Variants in SCN3B observed in about 807,000 individuals in gnomAD.
The protein encoded by SCN3B is sodium voltage-gated channel beta subunit 3, also known as sodium channel regulatory subunit beta-3.
SCN3B carries 11 observed loss-of-function variants against 25.4 expected under a neutral mutation model. That is an observed-to-expected ratio of 0.43 (90% CI 0.27 to 0.72). SCN3B has a LOEUF of 0.72. Ranked by LOEUF, SCN3B falls within the 30% of genes least tolerant of loss-of-function variation. The pLI is 0.18. For synonymous variants in SCN3B, 109 were observed against 110.7 expected (o/e 0.99, Z 0.09); for missense variants, 218 against 278.3 (o/e 0.78, Z 1.54).
intron 3 of SCN3B, among the ~76,000 whole-genome samples, chr11:123,643,370 C>T (rs1196411278): frequency 1.3e-5 from 2 of 152,370 alleles, no homozygotes; most frequent in East Asian, 3.9e-4. Flanking sequence ...CACTTCCACC[C>T]TCTGACATAA....
intron 5 of SCN3B, among the ~76,000 whole-genome samples, chr11:123,635,530 C>A (rs1175077978): frequency 6.6e-6 from 1 of 151,838 alleles, no homozygotes; most frequent in Non-Finnish European, 1.5e-5. Flanking sequence ...TAAAAAAATA[C>A]AAAAAATTAG....
chr11:123,643,852 T>C (rs941437481), intron 3 of SCN3B, among the ~76,000 whole-genome samples: 4 of 152,224 alleles, frequency 2.6e-5, no homozygotes, highest in African/African-American at 9.6e-5. Context: ...TGCAGCTTCA[T>C]TGACGTGTCA....
chr11:123,638,155 T>C, intron 5 of SCN3B, 31 bp downstream of exon 5: 1 of 1,613,564 alleles, frequency 6.2e-7, no homozygotes. Flanking sequence ...GGTGCTAGCT[T>C]TCATTATTAC....
At position 123,633,041 on chromosome 11, in the gene SCN3B, C is replaced by T. The variant is rs924780752; in HGVS notation, c.*758G>A. On this transcript the variant is annotated 3_prime_UTR_variant, in exon 7 of 7. Coordinates refer to ENST00000299333, the MANE Select transcript of SCN3B (RefSeq NM_001040151.2). ...TGTGCCCACAGGGAGGGCACACATACATTATCGCAATAGGATCAGGAACGT... is the reference window on the plus strand; with the variant it reads ...TGTGCCCACAGGGAGGGCACACATATATTATCGCAATAGGATCAGGAACGT... 3.3e-5 allele frequency: 5 copies of T among 152,212 alleles called. No homozygotes were observed. The highest frequency in any genetic ancestry group is 1.2e-4 in the African/African-American group (5 of 41,464). 9.4% of individuals were successfully genotyped at this position (152,212 alleles called of 1,614,324 possible). A position where few individuals can be genotyped will look rare whatever the true frequency, so the allele number is the denominator to read the frequency against.
At chr11:123,648,131 C>T (rs938494534) in intron 2 of SCN3B, among the ~76,000 whole-genome samples, 6 of 152,178 alleles carry the variant, frequency 3.9e-5, no homozygotes, top group African/African-American at 1.4e-4. Flanking sequence ...AACCTCAAGG[C>T]ACATTCATAT....
intron 5 of SCN3B, among the ~76,000 whole-genome samples, chr11:123,637,592 G>A (rs1010979170): frequency 1.4e-4 from 21 of 152,092 alleles, no homozygotes; most frequent in Non-Finnish European, 1.3e-4. Flanking sequence ...GCAGTGGCAC[G>A]ATCTCAGCTC....
chr11:123,644,389 A>C (rs931503442), intron 3 of SCN3B, among the ~76,000 whole-genome samples: 1 of 152,220 alleles, frequency 6.6e-6, no homozygotes, highest in Non-Finnish European at 1.5e-5. Context: ...GGTGATAATA[A>C]GTGTGAAGTC....
At position 123,654,382 on chromosome 11, in the gene SCN3B, G is replaced by T. The variant is rs1057435076; in HGVS notation, c.-182C>A. 1 of 158,246 alleles carries T rather than the reference G, an allele frequency of 6.3e-6. No homozygotes were observed. The highest frequency in any genetic ancestry group is 5.9e-5 in the Admixed American group (1 of 16,890). The allele number at this position is 158,246 out of a possible 1,614,324, so 9.8% of individuals were successfully genotyped here. On this transcript the variant is annotated 5_prime_UTR_variant, in exon 1 of 7. Transcript: ENST00000299333. The stretch of plus-strand genomic sequence containing the variant: ...GGGCTACAGAATGCGTTCCACGTCG[G>T]TCCCGTCCACGCCCGCCCTCGGCTC...
intron 5 of SCN3B, among the ~76,000 whole-genome samples, chr11:123,637,694 A>G (rs557916646): frequency 1.3e-5 from 2 of 151,884 alleles, no homozygotes; most frequent in South Asian, 4.2e-4. Context: ...ATGCCCAGCT[A>G]ATTTTTTATA....
rs759214907 is a variant in SCN3B, at chr11:123,653,832, C to G, written c.-25-6G>C. On this transcript the variant is annotated splice_region_variant and splice_polypyrimidine_tract_variant and intron_variant, in intron 1 of 6. Coordinates refer to ENST00000299333, the MANE Select transcript of SCN3B (RefSeq NM_001040151.2). ...GGGGCTGGCGGCTTCCAAGGCTACA[C>G]AGAGAGATTCCCTCGGTCAAGGACT... 2.9e-5 allele frequency: 47 copies of G among 1,612,710 alleles called. No homozygotes were observed. The East Asian group carries it at 1.0e-3, about 36-fold the overall frequency.
intron 2 of SCN3B, among the ~76,000 whole-genome samples, chr11:123,652,942 C>T (rs561295423): frequency 6.6e-6 from 1 of 152,334 alleles, no homozygotes; most frequent in South Asian, 2.1e-4. Flanking sequence ...CCTTTACACA[C>T]ATTCAGGCAC....
rs937554928 is a variant in SCN3B at position 123,633,392 on chromosome 11, C to A, written c.*407G>T. On this transcript the variant is annotated 3_prime_UTR_variant, in exon 7 of 7. Coordinates refer to ENST00000299333, the MANE Select transcript of SCN3B (RefSeq NM_001040151.2). ...GCTTCCTTCTATTAAGACTTCCATT[C>A]TCTTGCAGTAATGGAGAATGAACCA... is the stretch of plus-strand genomic sequence containing the variant. The A allele has an allele frequency of 7.2e-5, 11 of 152,824 alleles. No individual in the cohort carries two copies. The highest frequency in any genetic ancestry group is 2.7e-4 in the African/African-American group (11 of 41,450). 9.5% of individuals were successfully genotyped at this position (152,824 alleles called of 1,614,324 possible). A position where few individuals can be genotyped will look rare whatever the true frequency, so the allele number is the denominator to read the frequency against.
intron 3 of SCN3B, among the ~76,000 whole-genome samples, chr11:123,644,802 T>G (rs529168737): frequency 0.013 from 304 of 24,072 alleles, 1 homozygote; most frequent in African/African-American, 0.05. Flanking sequence ...AGAGAGAGAA[T>G]ATATATATAT....
chr11:123,634,848 T>C (rs527882618), intron 5 of SCN3B, among the ~76,000 whole-genome samples: 1 of 152,260 alleles, frequency 6.6e-6, no homozygotes, highest in Non-Finnish European at 1.5e-5. Context: ...GCTTTCCAGT[T>C]CTTCTGAGAT....
chr11:123,640,205 C>G, intron 4 of SCN3B: 1 of 152,232 alleles, frequency 6.6e-6, no homozygotes. Context: ...GCTACCACCT[C>G]GTGCATTATT....
Position 123,638,213 on chromosome 11 carries a change from T to C in SCN3B, c.557A>G (p.Lys186Arg). Residue 186 changes from lysine (K) to arginine (R), a missense_variant, in exon 5 of 7, where the codon AAA becomes AGA. Transcript: ENST00000299333. ...EMIYCYRKVS[K>R]AEEAAQENAS... The stretch of plus-strand genomic sequence containing the variant: ...GTTTTCTTGGGCTGCCTCTTCGGCT[T>C]TTGAGACCTTTCTGTAGCAATATAT... 1.2e-6 allele frequency: 2 copies of C among 1,614,132 alleles called. No individual in the cohort carries two copies. Among genetic ancestry groups the C allele is most frequent in the East Asian group, 2.2e-5 (1 of 44,880 alleles).
intron 2 of SCN3B, among the ~76,000 whole-genome samples, chr11:123,652,897 A>G (rs1204231237): frequency 6.6e-6 from 1 of 152,314 alleles, no homozygotes; most frequent in South Asian, 2.1e-4. Context: ...CATTGTCTCA[A>G]TCACACAATC....
rs187902591 is a variant in SCN3B at position 123,638,552 on chromosome 11, G to A, written c.446-228C>T. On this transcript the variant is annotated intron_variant, in intron 4 of 6. Transcript: ENST00000299333. ...AGTGGGATGCCTGGAAGAAGTAGCC[G>A]AGCAGTGGAAGGAATCCTGGCCTCA... 347 of 572,238 alleles carry A rather than the reference G, an allele frequency of 6.1e-4. 1 individual carries two copies. The highest frequency in any genetic ancestry group is 6.0e-3 in the African/African-American group (323 of 53,400). 35.4% of individuals were successfully genotyped at this position (572,238 alleles called of 1,614,324 possible). A position where few individuals can be genotyped will look rare whatever the true frequency, so the allele number is the denominator to read the frequency against.
intron 5 of SCN3B, 145 bp from the exon 6 acceptor site, chr11:123,634,351 T>G (rs1955702916): frequency 8.5e-6 from 6 of 707,026 alleles, no homozygotes; most frequent in Non-Finnish European, 1.5e-5. Context: ...AAAAACAACC[T>G]TTTCTGCAGA....
Sources: allele counts gnomAD v4.1 joint callset (sites outside exome capture counted in the v4.1 genomes callset), GRCh38; gene constraint gnomAD v4.1.1; transcripts MANE v1.5; gene names NCBI Gene and HGNC (gene_info 2026-07-23, HGNC 2026-07-21).